FBXO11: variants seen among roughly 807,000 people sequenced by gnomAD.
FBXO11 encodes F-box only protein 11.
FBXO11 carries 13 observed loss-of-function variants against 117.0 expected under a neutral mutation model. The observed-to-expected ratio is 0.11, with a 90% CI of 0.07 to 0.18. FBXO11 has a LOEUF of 0.18. FBXO11 is among the 10% of genes least tolerant of loss of function. FBXO11 has a pLI of 1.00. For missense variants in FBXO11, 767 were observed against 1,164.4 expected, an observed-to-expected ratio of 0.66 and a Z score of 4.97; for synonymous variants, 490 against 380.5, an observed-to-expected ratio of 1.29 and a Z score of -3.35.
chr2:47,851,685 C>T (rs757145676), intron 1 of FBXO11, among the ~76,000 whole-genome samples: 5 of 152,290 alleles, frequency 3.3e-5, no homozygotes, highest in Non-Finnish European at 5.9e-5. Flanking sequence ...AAACAGGACA[C>T]ACAAATCGTC....
chr2:47,886,336 T>A (rs535208186), intron 1 of FBXO11, among the ~76,000 whole-genome samples: 2 of 151,750 alleles, frequency 1.3e-5, no homozygotes, highest in Non-Finnish European at 2.9e-5. Context: ...GAAACTCCCG[T>A]CTCTACTAAA....
intron 1 of FBXO11, among the ~76,000 whole-genome samples, chr2:47,876,504 A>T (rs1572889556): frequency 6.6e-6 from 1 of 152,170 alleles, no homozygotes. Context: ...TTGCTGACAG[A>T]TAATAGTTTA....
At chr2:47,846,300 T>C (rs1673402714) in intron 1 of FBXO11, among the ~76,000 whole-genome samples, 1 of 152,114 alleles carries the variant, frequency 6.6e-6, no homozygotes, top group African/African-American at 2.4e-5. Context: ...AAACTCCGTC[T>C]CTACTAAAAA....
In FBXO11 at chr2:47,902,536, T is replaced by C. The variant is rs571017939; in HGVS notation, c.232+2953A>G. Among the ~76,000 whole-genome samples the C allele has an allele frequency of 3.3e-5, 5 of 152,278 alleles. No individual in the cohort carries two copies. The East Asian group carries it at 9.7e-4, about 29-fold the overall frequency. On this transcript the variant is annotated intron_variant, in intron 1 of 22. Coordinates refer to ENST00000403359, the MANE Select transcript of FBXO11 (RefSeq NM_001190274.2). ...CGTATATACACACACACATAATGTA[T>C]GTACAAACATGTATATACACAAATA... is the stretch of plus-strand genomic sequence containing the variant.
intron 21 of FBXO11, 39 bp from the exon 22 acceptor site, chr2:47,808,466 T>C: frequency 6.6e-7 from 1 of 1,508,144 alleles, no homozygotes; most frequent in Non-Finnish European, 8.9e-7. Context: ...CTCAAACATG[T>C]CATTAATGCA....
intron 2 of FBXO11, 54 bp from the exon 3 acceptor site, chr2:47,839,554 A>G: frequency 1.2e-6 from 2 of 1,604,254 alleles, no homozygotes; most frequent in East Asian, 2.2e-5. Context: ...ATCCATAATC[A>G]TTACTTCTAA....
chr2:47,901,129 ATG>A (rs770435921), intron 1 of FBXO11, among the ~76,000 whole-genome samples: 3 of 100,482 alleles, frequency 3.0e-5, no homozygotes, highest in Non-Finnish European at 6.8e-5. Flanking sequence ...ACGTGTGTAC[ATG>A]TATATATATA....
At chr2:47,826,591 G>A (rs1671770566) in intron 11 of FBXO11, among the ~76,000 whole-genome samples, 1 of 152,052 alleles carries the variant, frequency 6.6e-6, no homozygotes, top group African/African-American at 2.4e-5. Flanking sequence ...CTCACACATT[G>A]TATCCTTTCA....
Position 47,857,734 on chromosome 2 carries a change from G to A in FBXO11, c.233-17965C>T, listed in dbSNP as rs139906429. 1.6e-4 allele frequency among the ~76,000 whole-genome samples: 24 copies of A among 152,210 alleles called. 1 individual carries two copies. The highest frequency in any genetic ancestry group is 5.5e-4 in the African/African-American group (23 of 41,524). Reference sequence around the variant, plus strand: ...TGTCACGAGAAGTCACAGTAAACTCGAGAAGGAAGTCTTCAGGAACTCAAA... The same window carrying A: ...TGTCACGAGAAGTCACAGTAAACTCAAGAAGGAAGTCTTCAGGAACTCAAA... On this transcript the variant is annotated intron_variant, in intron 1 of 22. Transcript: ENST00000403359.
chr2:47,882,930 T>G (rs1235009610), intron 1 of FBXO11, among the ~76,000 whole-genome samples: 2 of 152,220 alleles, frequency 1.3e-5, no homozygotes, highest in Non-Finnish European at 2.9e-5. Context: ...ATTACAGGCG[T>G]GAGTCCCCAT....
In FBXO11 at chr2:47,905,595, C is replaced by T; in HGVS notation, c.126G>A (p.Gln42=). 7.7e-7 allele frequency: 1 copy of T among 1,297,410 alleles called. No individual in the cohort carries two copies. The highest frequency in any genetic ancestry group is 9.8e-7 in the Non-Finnish European group (1 of 1,024,570). 80.4% of individuals were successfully genotyped at this position (1,297,410 alleles called of 1,614,324 possible). ...PPQPPQQQPP[Q]QQPPPPPQQQ... ...GCTGCGGCGGCGGCGGAGGCTGCTGCTGGGGCGGCTGCTGCTGGGGCGGCT... is the reference window on the plus strand; with the variant it reads ...GCTGCGGCGGCGGCGGAGGCTGCTGTTGGGGCGGCTGCTGCTGGGGCGGCT... Residue 42 remains glutamine (Q), a synonymous_variant, in exon 1 of 23, where the codon CAG becomes CAA. Coordinates refer to ENST00000403359, the MANE Select transcript of FBXO11 (RefSeq NM_001190274.2).
Position 47,831,083 on chromosome 2 carries a change from G to A in FBXO11, c.1398+1266C>T, listed in dbSNP as rs146122109. Reference sequence around the variant, plus strand: ...CAAAGTGCTGGGATTACAGGTGTGAGCCACTGCACCCGGCCATGGTCTAGT... The same window carrying A: ...CAAAGTGCTGGGATTACAGGTGTGAACCACTGCACCCGGCCATGGTCTAGT... On this transcript the variant is annotated intron_variant, in intron 11 of 22. Transcript: ENST00000403359. Among the ~76,000 whole-genome samples the A allele has an allele frequency of 3.2e-4, 48 of 151,390 alleles. No individual in the cohort carries two copies. In the East Asian group the frequency reaches 3.8e-3, roughly 12 times the overall value.
chr2:47,861,474 A>C (rs1484963233), intron 1 of FBXO11, among the ~76,000 whole-genome samples: 1 of 152,074 alleles, frequency 6.6e-6, no homozygotes, highest in East Asian at 1.9e-4. Flanking sequence ...GCATACCACC[A>C]TGCCCAGCTA....
Position 47,838,955 on chromosome 2 carries a change from A to G in FBXO11, c.491T>C (p.Val164Ala). Residue 164 changes from valine (V) to alanine (A), a missense_variant, in exon 4 of 23, where the codon GTT becomes GCT. Val to Ala is a moderately conservative substitution (Grantham distance 64). Coordinates refer to ENST00000403359, the MANE Select transcript of FBXO11 (RefSeq NM_001190274.2). ...YLQEKLPDEV[V>A]LKIFSYLLEQ... ...CAGCAAGTAAGAGAAGATTTTTAGA[A>G]CCACTTCATCTGGCAGTTTCTCCTG... 1 of 1,614,084 alleles carries G rather than the reference A, an allele frequency of 6.2e-7. No homozygotes were observed. The highest frequency in any genetic ancestry group is 1.7e-5 in the Admixed American group (1 of 60,020).
chr2:47,875,338 T>G (rs1001101721), intron 1 of FBXO11, among the ~76,000 whole-genome samples: 5 of 152,202 alleles, frequency 3.3e-5, no homozygotes, highest in African/African-American at 1.2e-4. Flanking sequence ...GAGTGCTATT[T>G]ATCTTCGCGT....
intron 1 of FBXO11, chr2:47,865,986 C>A (rs1393376582): frequency 6.6e-6 from 1 of 152,256 alleles, no homozygotes; most frequent in South Asian, 2.1e-4. Flanking sequence ...TACAGTGGCT[C>A]ATGCCTATAA....
intron 1 of FBXO11, among the ~76,000 whole-genome samples, chr2:47,901,876 A>G (rs938973667): frequency 2.8e-4 from 43 of 152,346 alleles, no homozygotes; most frequent in African/African-American, 1.0e-3. Flanking sequence ...CAAAAATCCA[A>G]TCCCACACTA....
chr2:47,822,334 A>T lies in FBXO11; in HGVS notation c.1617-31T>A, dbSNP rs1671451598. The T allele has an allele frequency of 3.5e-6, 5 of 1,409,960 alleles. No individual in the cohort carries two copies. The East Asian group carries it at 1.2e-4, about 32-fold the overall frequency. The allele number at this position is 1,409,960 out of a possible 1,614,324, so 87.3% of individuals were successfully genotyped here. ...ATTATGCGAAATAAAAAAAAAGAAG[A>T]CATCTATTCAGCCAAACTTACTTGT... On this transcript the variant is annotated intron_variant, in intron 12 of 22. Transcript: ENST00000403359.
At chr2:47,865,945 G>T (rs1000905138) in intron 1 of FBXO11, 1 of 152,132 alleles carries the variant, frequency 6.6e-6, no homozygotes, top group African/African-American at 2.4e-5. Flanking sequence ...AATCAGCAAA[G>T]ATACTTTTAA....
Sources: allele counts gnomAD v4.1 joint callset (sites outside exome capture counted in the v4.1 genomes callset), GRCh38; gene constraint gnomAD v4.1.1; transcripts MANE v1.5; gene names NCBI Gene and HGNC (gene_info 2026-07-23, HGNC 2026-07-21).